Variants in RFTN1 observed in about 807,000 individuals in gnomAD.
RFTN1 encodes raftlin.
Under a neutral mutation model 46.5 loss-of-function variants are expected in RFTN1, and 26 were observed. That is an observed-to-expected ratio of 0.56 (90% CI 0.41 to 0.78). The LOEUF (loss-of-function observed/expected upper bound fraction) is 0.78, where lower values mean the gene tolerates loss of function less well. Among genes scored for constraint, RFTN1 ranks in the 30% least tolerant of loss-of-function variants. The pLI is 0.00. For synonymous variants in RFTN1, 261 were observed against 284.2 expected, an observed-to-expected ratio of 0.92 and a Z score of 0.82; for missense variants, 693 against 718.7, an observed-to-expected ratio of 0.96 and a Z score of 0.41.
intron 4 of RFTN1, among the ~76,000 whole-genome samples, chr3:16,405,746 A>C (rs1392100483): frequency 6.6e-6 from 1 of 152,204 alleles, no homozygotes; most frequent in Non-Finnish European, 1.5e-5. Context: ...GAAAAAATCT[A>C]ATCCTTTTGA....
chr3:16,387,726 G>C lies in RFTN1; in HGVS notation c.442-9624C>G, dbSNP rs971956804. Among the ~76,000 whole-genome samples, 7 of 151,792 alleles carry C rather than the reference G, an allele frequency of 4.6e-5. No homozygotes were observed. The highest frequency in any genetic ancestry group is 1.7e-4 in the African/African-American group (7 of 41,316). Reference sequence around the variant, plus strand: ...GTAAGCAAGCCTCGTCCACCCACCCGCCTCACCGACTCCACCTCCACTCAC... The same window carrying C: ...GTAAGCAAGCCTCGTCCACCCACCCCCCTCACCGACTCCACCTCCACTCAC... On this transcript the variant is annotated intron_variant, in intron 4 of 9. Coordinates refer to ENST00000334133, the MANE Select transcript of RFTN1 (RefSeq NM_015150.2). This position sits in a 1 kb window ranked among gnomAD's most constrained non-coding sequence, Gnocchi z 5.2.
At position 16,450,470 on chromosome 3, in the gene RFTN1, C is replaced by T. The variant is rs1414006264; in HGVS notation, c.146-16433G>A. ...CCCATCCAAGGGCTCTCTCCCACTG[C>T]ACCATGATGCTGCATGACCTGAAGT... On this transcript the variant is annotated intron_variant, in intron 2 of 9. Coordinates refer to ENST00000334133, the MANE Select transcript of RFTN1 (RefSeq NM_015150.2). This position sits in a 1 kb window ranked among gnomAD's most constrained non-coding sequence, Gnocchi z 4.6. Among the ~76,000 whole-genome samples, 3 of 152,208 alleles carry T rather than the reference C, an allele frequency of 2.0e-5. No individual in the cohort carries two copies. The highest frequency in any genetic ancestry group is 2.9e-5 in the Non-Finnish European group (2 of 68,038).
In RFTN1 at chr3:16,468,411, T is replaced by C. The variant is rs1256097630; in HGVS notation, c.145+25314A>G. 6.6e-6 allele frequency among the ~76,000 whole-genome samples: 1 copy of C among 152,150 alleles called. No individual in the cohort carries two copies. Among genetic ancestry groups the C allele is most frequent in the Non-Finnish European group, 1.5e-5 (1 of 68,014 alleles). On this transcript the variant is annotated intron_variant, in intron 2 of 9. Coordinates refer to ENST00000334133, the MANE Select transcript of RFTN1 (RefSeq NM_015150.2). The surrounding 1 kb of genome is among the most constrained non-coding windows in gnomAD (Gnocchi z 4.4). ...ATGACTGTCAAAAATGTCCCCACCC[T>C]GGGATCAGGCATCAGATCCTAACAA...
At chr3:16,390,157 A>G (rs1046725574) in intron 4 of RFTN1, among the ~76,000 whole-genome samples, 4 of 152,232 alleles carry the variant, frequency 2.6e-5, no homozygotes, top group Non-Finnish European at 1.5e-5. Flanking sequence ...AATGACTGCT[A>G]TTGTTTAAAG....
rs977217021 is a variant in RFTN1, at chr3:16,440,098, C to T, written c.146-6061G>A. On this transcript the variant is annotated intron_variant, in intron 2 of 9. Coordinates refer to ENST00000334133, the MANE Select transcript of RFTN1 (RefSeq NM_015150.2). This position sits in a 1 kb window ranked among gnomAD's most constrained non-coding sequence, Gnocchi z 4.6. ...ACACTGGTATGGCTGTCTTAGCCAC[C>T]GTTACCTTCCAAAAAGAGAAAATGC... Among the ~76,000 whole-genome samples the T allele has an allele frequency of 1.3e-5, 2 of 152,158 alleles. No homozygotes were observed. The highest frequency in any genetic ancestry group is 2.4e-5 in the African/African-American group (1 of 41,432).
intron 2 of RFTN1, among the ~76,000 whole-genome samples, chr3:16,445,416 C>T (rs936157379): frequency 6.6e-6 from 1 of 151,788 alleles, no homozygotes; most frequent in African/African-American, 2.4e-5. Context: ...CTTTCTCTTT[C>T]CCCCCACTCT....
At chr3:16,501,178 C>T (rs1459972352) in intron 1 of RFTN1, among the ~76,000 whole-genome samples, 1 of 152,158 alleles carries the variant, frequency 6.6e-6, no homozygotes, top group Non-Finnish European at 1.5e-5. Context: ...CACAGCACAG[C>T]GCCAAATACT....
At chr3:16,409,663 A>G (rs1040375613) in intron 3 of RFTN1, among the ~76,000 whole-genome samples, 180 bp from the exon 4 acceptor site, 2 of 145,100 alleles carry the variant, frequency 1.4e-5, no homozygotes, top group Middle Eastern at 3.6e-3. Flanking sequence ...GATTACAGGC[A>G]CCCACTACCA....
rs9828752 is a variant in RFTN1 at position 16,435,750 on chromosome 3, C to T, written c.146-1713G>A. 3.0e-3 allele frequency among the ~76,000 whole-genome samples: 451 copies of T among 152,050 alleles called. 3 individuals carry two copies. Among genetic ancestry groups the T allele is most frequent in the African/African-American group, 0.01 (425 of 41,428 alleles). On this transcript the variant is annotated intron_variant, in intron 2 of 9. Transcript: ENST00000334133. ...AAAATCTCATTCCTACATGATTTTG[C>T]ATGTGTGCGCTTATAGTACATATAC... is the stretch of plus-strand genomic sequence containing the variant.
chr3:16,482,682 G>T, intron 2 of RFTN1: 1 of 1,234,430 alleles, frequency 8.1e-7, no homozygotes, highest in Non-Finnish European at 1.1e-6. Flanking sequence ...TTGACACTGA[G>T]CACCATGCAT....
chr3:16,395,669 A>C (rs1304405667), intron 4 of RFTN1, among the ~76,000 whole-genome samples: 1 of 152,198 alleles, frequency 6.6e-6, no homozygotes, highest in East Asian at 1.9e-4. Flanking sequence ...GAATGGTCTC[A>C]AACTCCTGGC....
At chr3:16,493,636 C>T in intron 2 of RFTN1, 89 bp downstream of exon 2, 1 of 1,206,458 alleles carries the variant, frequency 8.3e-7, no homozygotes, top group Non-Finnish European at 1.1e-6. Context: ...GCCCCCACCC[C>T]ATCCAGCTCT....
intron 2 of RFTN1, chr3:16,482,844 T>A (rs1038193140): frequency 2.3e-5 from 36 of 1,535,684 alleles, no homozygotes; most frequent in Non-Finnish European, 2.6e-5. Flanking sequence ...CTTTCTGCCA[T>A]GAAGATGAAG....
chr3:16,391,874 T>G (rs1384987543), intron 4 of RFTN1, among the ~76,000 whole-genome samples: 3 of 20,838 alleles, frequency 1.4e-4, no homozygotes, highest in Non-Finnish European at 2.2e-4. Flanking sequence ...TTTTTGTTTT[T>G]TTTTTTTGTT....
At chr3:16,439,543 A>G (rs1287939728) in intron 2 of RFTN1, among the ~76,000 whole-genome samples, 2 of 152,258 alleles carry the variant, frequency 1.3e-5, no homozygotes, top group South Asian at 2.1e-4. Context: ...TATTATTTCA[A>G]TTTGGAGGCT....
chr3:16,489,439 A>G lies in RFTN1; in HGVS notation c.145+4286T>C, dbSNP rs1239321324. Among the ~76,000 whole-genome samples the G allele has an allele frequency of 6.6e-6, 1 of 151,900 alleles. No individual in the cohort carries two copies. Among genetic ancestry groups the G allele is most frequent in the Admixed American group, 6.6e-5 (1 of 15,262 alleles). ...CTTCAAAAAAAAATCAGTGATGGAG[A>G]GGAGATTAGTGGTTGTCTGGGGTTG... On this transcript the variant is annotated intron_variant, in intron 2 of 9. Transcript: ENST00000334133. This position sits in a 1 kb window ranked among gnomAD's most constrained non-coding sequence, Gnocchi z 4.0.
At chr3:16,469,679 G>T (rs953305416) in intron 2 of RFTN1, among the ~76,000 whole-genome samples, 1 of 152,220 alleles carries the variant, frequency 6.6e-6, no homozygotes, top group African/African-American at 2.4e-5. Context: ...GCTGGCCTGA[G>T]GCCCCTCCAG....
At position 16,317,723 on chromosome 3, in the gene RFTN1, AC is replaced by A. The variant is rs1253361306; in HGVS notation, c.1333-492del. Among the ~76,000 whole-genome samples the A allele has an allele frequency of 6.6e-6, 1 of 152,010 alleles. No individual in the cohort carries two copies. Among genetic ancestry groups the A allele is most frequent in the Non-Finnish European group, 1.5e-5 (1 of 68,024 alleles). On this transcript the variant is annotated intron_variant, in intron 9 of 9. Transcript: ENST00000334133. This position sits in a 1 kb window ranked among gnomAD's most constrained non-coding sequence, Gnocchi z 4.3. ...GAACATGGGGCAGACACTGTGCTGT[AC>A]CGCTCAGATCCCCCCACAGGACTGG...
Position 16,323,462 on chromosome 3 carries a change from AAC to A in RFTN1, c.1251-7_1251-6del. ...TTGGTGGATACACTCCCCTCGCTGT[AAC>A]ACACGGAGCTGAGAATGAGCCACTT... On this transcript the variant is annotated splice_region_variant and splice_polypyrimidine_tract_variant and intron_variant, in intron 8 of 9. Transcript: ENST00000334133. The A allele has an allele frequency of 6.2e-7, 1 of 1,609,008 alleles. No homozygotes were observed. The highest frequency in any genetic ancestry group is 8.5e-7 in the Non-Finnish European group (1 of 1,175,826).
Sources: allele counts gnomAD v4.1 joint callset (sites outside exome capture counted in the v4.1 genomes callset), GRCh38; gene constraint gnomAD v4.1.1; non-coding constraint Gnocchi (gnomAD v3.1); transcripts MANE v1.5; gene names NCBI Gene and HGNC (gene_info 2026-07-23, HGNC 2026-07-21).